The following AKAP19 variants were observed in gnomAD, a reference collection of about 807,000 sequenced individuals.
AKAP19 encodes A-kinase anchoring protein 19.
chr2:190,076,062 A>G, the AKAP19 span, among the ~76,000 whole-genome samples: 1 of 152,004 alleles, frequency 6.6e-6, no homozygotes, highest in African/African-American at 2.4e-5. Context: ...TTTTACCTTT[A>G]CCTATGTTAT....
At chr2:189,951,601 A>G in the AKAP19 span, among the ~76,000 whole-genome samples, 1 of 152,216 alleles carries the variant, frequency 6.6e-6, no homozygotes, top group Non-Finnish European at 1.5e-5. Context: ...AAGCTTTCAA[A>G]TAAGGAAGTA....
chr2:190,053,548 G>A, the AKAP19 span, among the ~76,000 whole-genome samples: 7 of 152,098 alleles, frequency 4.6e-5, no homozygotes, highest in Non-Finnish European at 8.8e-5. Context: ...GACCAAAATA[G>A]TATAGTTTGC....
At chr2:190,026,522 G>A in the AKAP19 span, among the ~76,000 whole-genome samples, 2 of 152,152 alleles carry the variant, frequency 1.3e-5, no homozygotes, top group African/African-American at 4.8e-5. Context: ...CAGAGCCCTG[G>A]AACCAAAACT....
At chr2:190,010,975 A>G in the AKAP19 span, among the ~76,000 whole-genome samples, 1 of 149,326 alleles carries the variant, frequency 6.7e-6, no homozygotes, top group Non-Finnish European at 1.5e-5. Flanking sequence ...TATATTTTTG[A>G]TATTAACCCC....
At chr2:190,021,005 ATAT>A in the AKAP19 span, among the ~76,000 whole-genome samples, 5 of 152,198 alleles carry the variant, frequency 3.3e-5, no homozygotes, top group African/African-American at 1.2e-4. Context: ...AGGATGAATA[ATAT>A]TCCATTTTAT....
At chr2:190,083,778 G>T in the AKAP19 span, among the ~76,000 whole-genome samples, 1 of 152,108 alleles carries the variant, frequency 6.6e-6, no homozygotes. Flanking sequence ...AGGGAAAGTG[G>T]GATGTCACTG....
chr2:189,904,746 G>A, the AKAP19 span, among the ~76,000 whole-genome samples: 35 of 152,066 alleles, frequency 2.3e-4, no homozygotes, highest in African/African-American at 8.4e-4. Flanking sequence ...ATAATTTTAT[G>A]TATTACAAAA....
the AKAP19 span, among the ~76,000 whole-genome samples, chr2:190,173,615 A>G: frequency 6.6e-6 from 1 of 152,232 alleles, no homozygotes; most frequent in Non-Finnish European, 1.5e-5. Flanking sequence ...TCCCAGATAG[A>G]TCATCTGACT....
At chr2:189,906,279 A>G in the AKAP19 span, among the ~76,000 whole-genome samples, 2 of 152,148 alleles carry the variant, frequency 1.3e-5, no homozygotes, top group East Asian at 3.8e-4. Context: ...ATACAAAATT[A>G]TTTTTAAATT....
At chr2:189,962,075 A>G in the AKAP19 span, among the ~76,000 whole-genome samples, 1 of 152,242 alleles carries the variant, frequency 6.6e-6, no homozygotes, top group Non-Finnish European at 1.5e-5. Context: ...TGTGACACAT[A>G]ATGCTGTTTC....
the AKAP19 span, among the ~76,000 whole-genome samples, chr2:190,095,216 T>A: frequency 6.6e-6 from 1 of 152,112 alleles, no homozygotes; most frequent in Admixed American, 6.5e-5. Context: ...AGCAAGACTC[T>A]GTCTCAAAAA....
chr2:189,946,464 G>A, the AKAP19 span, among the ~76,000 whole-genome samples: 1 of 152,120 alleles, frequency 6.6e-6, no homozygotes, highest in African/African-American at 2.4e-5. Context: ...TTAAAGTTTA[G>A]TGCTTTCCTA....
At chr2:189,919,961 C>T in the AKAP19 span, among the ~76,000 whole-genome samples, 1 of 152,158 alleles carries the variant, frequency 6.6e-6, no homozygotes, top group Non-Finnish European at 1.5e-5. Context: ...CACACACAAA[C>T]ATTCTGAGTT....
the AKAP19 span, among the ~76,000 whole-genome samples, chr2:189,966,372 G>A: frequency 2.7e-4 from 41 of 152,154 alleles, no homozygotes; most frequent in Non-Finnish European, 4.9e-4. Context: ...AGACTTGCTC[G>A]ATGCAGGTTT....
At chr2:190,111,461 G>C in the AKAP19 span, among the ~76,000 whole-genome samples, 1 of 152,286 alleles carries the variant, frequency 6.6e-6, no homozygotes, top group South Asian at 2.1e-4. Context: ...ATAGAGGTAT[G>C]ATATTACACT....
At chr2:190,041,522 G>A in the AKAP19 span, among the ~76,000 whole-genome samples, 3 of 152,000 alleles carry the variant, frequency 2.0e-5, no homozygotes, top group Admixed American at 6.5e-5. Context: ...TTTCTCTTGC[G>A]TGATTGCTCT....
the AKAP19 span, among the ~76,000 whole-genome samples, chr2:190,106,111 CATTTTGTTTCTT>C: frequency 6.6e-6 from 1 of 152,122 alleles, no homozygotes; most frequent in Non-Finnish European, 1.5e-5. Flanking sequence ...GACAAACATA[CATTTTGTTTCTT>C]ATTTATAAGG....
At chr2:190,081,966 C>G in the AKAP19 span, among the ~76,000 whole-genome samples, 2 of 152,122 alleles carry the variant, frequency 1.3e-5, no homozygotes, top group African/African-American at 4.8e-5. Flanking sequence ...TAAATAGAAA[C>G]CAGCCCTTTC....
the AKAP19 span, among the ~76,000 whole-genome samples, chr2:190,187,924 G>C: frequency 6.6e-6 from 1 of 152,170 alleles, no homozygotes; most frequent in Non-Finnish European, 1.5e-5. Flanking sequence ...AGGCCCAGTT[G>C]TTGCTAGATC....
Sources: allele counts gnomAD v4.1 joint callset (sites outside exome capture counted in the v4.1 genomes callset), GRCh38; gene constraint gnomAD v4.1.1; transcripts MANE v1.5; gene names NCBI Gene and HGNC (gene_info 2026-07-23, HGNC 2026-07-21).